The following RUNX1 variants were observed in gnomAD, a reference collection of about 807,000 sequenced individuals.
The protein encoded by RUNX1 is runt-related transcription factor 1.
In RUNX1, 19 loss-of-function variants were observed where a neutral mutation model predicts 42.8. That is an observed-to-expected ratio of 0.44 (90% CI 0.31 to 0.65). The LOEUF (loss-of-function observed/expected upper bound fraction) is 0.65. Ranked by LOEUF, RUNX1 falls within the 30% of genes least tolerant of loss-of-function variation. The pLI is 0.07. For synonymous variants in RUNX1, 271 were observed against 289.4 expected, an observed-to-expected ratio of 0.94 and a Z score of 0.64; for missense variants, 528 against 672.0, an observed-to-expected ratio of 0.79 and a Z score of 2.37.
At chr21:34,913,690 T>C (rs118115393) in intron 2 of RUNX1, among the ~76,000 whole-genome samples, 1 of 152,182 alleles carries the variant, frequency 6.6e-6, no homozygotes, top group Non-Finnish European at 1.5e-5. Flanking sequence ...ATAATTCACA[T>C]GGCAGCATCG....
intron 2 of RUNX1, among the ~76,000 whole-genome samples, chr21:34,963,529 G>T (rs2058696152): frequency 6.6e-6 from 1 of 152,266 alleles, no homozygotes; most frequent in East Asian, 1.9e-4. Flanking sequence ...GCACTCAGAG[G>T]TTCAACATCC....
intron 2 of RUNX1, among the ~76,000 whole-genome samples, chr21:34,909,491 T>C (rs571503687): frequency 4.4e-4 from 67 of 150,696 alleles, no homozygotes; most frequent in African/African-American, 1.6e-3. Context: ...GTGGTACTCC[T>C]TCCTTCTCTG....
chr21:34,986,962 T>C (rs981923976), intron 2 of RUNX1, among the ~76,000 whole-genome samples: 2 of 152,232 alleles, frequency 1.3e-5, no homozygotes, highest in Non-Finnish European at 2.9e-5. Flanking sequence ...GAGGCCATGT[T>C]GTCCCTGAAG....
rs775206089 is a variant in RUNX1, at chr21:34,880,656, C to T, written c.409G>A (p.Asp137Asn). 3.7e-6 allele frequency: 6 copies of T among 1,614,118 alleles called. 1 individual carries two copies. In the South Asian group the frequency reaches 6.6e-5, roughly 18 times the overall value. The change falls in exon 5 of 9, where the codon GAT (aspartate) becomes AAT (asparagine). Residue 137 changes from aspartate (D) to asparagine (N), a missense_variant. Transcript: ENST00000675419. ...CTCAGCTCAGCCGAGTAGTTTTCAT[C>T]ATTGCCAGCCATCACAGTGACCAGA... ...GTLVTVMAGNDENYSAELRNA... is the reference protein window; with the variant it reads ...GTLVTVMAGNNENYSAELRNA...
At chr21:34,844,677 TCTC>T (rs1199762338) in intron 6 of RUNX1, among the ~76,000 whole-genome samples, 8 of 152,176 alleles carry the variant, frequency 5.3e-5, no homozygotes, top group African/African-American at 1.9e-4. Flanking sequence ...GAGGATGATC[TCTC>T]CTCCTCTGTA....
rs575680210 is a variant in RUNX1, at chr21:35,034,735, G to A, written c.58+14107C>T. Among the ~76,000 whole-genome samples, 8 of 152,308 alleles carry A rather than the reference G, an allele frequency of 5.3e-5. No homozygotes were observed. In the South Asian group the frequency reaches 1.2e-3, roughly 24 times the overall value. The stretch of plus-strand genomic sequence containing the variant: ...TTCGGTTGCAAATGTCAACTGTGGC[G>A]AGGTCGGGAAACCCTGTCTGGTGTG... On this transcript the variant is annotated intron_variant, in intron 2 of 8. Transcript: ENST00000675419.
chr21:35,024,589 C>T (rs994483345), intron 2 of RUNX1, among the ~76,000 whole-genome samples: 2 of 152,240 alleles, frequency 1.3e-5, no homozygotes, highest in Admixed American at 1.3e-4. Flanking sequence ...ATCCTTTTAA[C>T]TTCTCAGAAA....
intron 2 of RUNX1, among the ~76,000 whole-genome samples, chr21:34,923,393 T>A (rs2058369103): frequency 6.6e-6 from 1 of 152,224 alleles, no homozygotes; most frequent in African/African-American, 2.4e-5. Flanking sequence ...TGAATAGTGA[T>A]GAGACCGGCC....
At chr21:34,985,088 C>T (rs920345678) in intron 2 of RUNX1, among the ~76,000 whole-genome samples, 2 of 152,182 alleles carry the variant, frequency 1.3e-5, no homozygotes, top group Non-Finnish European at 2.9e-5. Flanking sequence ...TCCAATAATA[C>T]TTAGAAGACT....
At chr21:34,915,808 A>G (rs1822047905) in intron 2 of RUNX1, among the ~76,000 whole-genome samples, 1 of 152,168 alleles carries the variant, frequency 6.6e-6, no homozygotes, top group African/African-American at 2.4e-5. Context: ...TGAGATAGAG[A>G]ACAAAAGTTA....
rs1445299843 is a variant in RUNX1, at chr21:35,005,336, T to C, written c.58+43506A>G. ...AGGATTCTGTATGACTCATTGTATA[T>C]GCAAGGAAATAGCCTCTTCTGTCCT... On this transcript the variant is annotated intron_variant, in intron 2 of 8. Transcript: ENST00000675419. Among the ~76,000 whole-genome samples the C allele has an allele frequency of 2.0e-5, 3 of 152,132 alleles. No homozygotes were observed. The East Asian group carries it at 5.8e-4, about 29-fold the overall frequency.
chr21:34,904,099 ACAT>A (rs1036806018), intron 2 of RUNX1, among the ~76,000 whole-genome samples: 1 of 152,186 alleles, frequency 6.6e-6, no homozygotes, highest in African/African-American at 2.4e-5. Flanking sequence ...TTCTCATAAA[ACAT>A]CATTGTCTAC....
intron 7 of RUNX1, among the ~76,000 whole-genome samples, chr21:34,820,436 G>C (rs1450971716): frequency 6.6e-6 from 1 of 152,004 alleles, no homozygotes; most frequent in Non-Finnish European, 1.5e-5. Flanking sequence ...GATCACCTGT[G>C]GTCAGGAGTT....
At chr21:35,033,393 A>G (rs1282985766) in intron 2 of RUNX1, among the ~76,000 whole-genome samples, 3 of 152,236 alleles carry the variant, frequency 2.0e-5, no homozygotes, top group Non-Finnish European at 1.5e-5. Context: ...CCTAGAAGAC[A>G]TGGTCATCAG....
intron 2 of RUNX1, among the ~76,000 whole-genome samples, chr21:34,962,737 T>C (rs1221848530): frequency 6.6e-6 from 1 of 152,206 alleles, no homozygotes; most frequent in Non-Finnish European, 1.5e-5. Context: ...GTTGCAATCA[T>C]TTTGCAAAGG....
chr21:35,049,073 A>G, intron 1 of RUNX1, 95 bp downstream of exon 1: 1 of 645,702 alleles, frequency 1.5e-6, no homozygotes, highest in Non-Finnish European at 2.8e-6. Context: ...CCCTATTAAA[A>G]AATGCACCTT....
chr21:34,790,566 G>A lies in RUNX1; in HGVS notation c.*1569C>T, dbSNP rs746526266. On this transcript the variant is annotated 3_prime_UTR_variant, in exon 9 of 9. Coordinates refer to ENST00000675419, the MANE Select transcript of RUNX1 (RefSeq NM_001754.5). Reference sequence around the variant, plus strand: ...CAGCGACATTGGATACCTTTGAATTGTAGCCACGGACAGTAGTGACATGAA... The same window carrying A: ...CAGCGACATTGGATACCTTTGAATTATAGCCACGGACAGTAGTGACATGAA... The A allele has an allele frequency of 1.7e-5, 4 of 233,306 alleles. No homozygotes were observed. The highest frequency in any genetic ancestry group is 2.5e-5 in the Non-Finnish European group (3 of 118,054). 14.5% of individuals were successfully genotyped at this position (233,306 alleles called of 1,614,324 possible). A position where few individuals can be genotyped will look rare whatever the true frequency, so the allele number is the denominator to read the frequency against.
At chr21:34,931,987 G>T (rs557853038) in intron 2 of RUNX1, among the ~76,000 whole-genome samples, 2 of 152,248 alleles carry the variant, frequency 1.3e-5, no homozygotes, top group Non-Finnish European at 2.9e-5. Flanking sequence ...TTGGCCATAT[G>T]TAAGATGGAC....
chr21:34,801,290 G>A (rs957061805), intron 7 of RUNX1, among the ~76,000 whole-genome samples: 2 of 152,076 alleles, frequency 1.3e-5, no homozygotes, highest in Admixed American at 6.6e-5. Flanking sequence ...TTCACGCCTT[G>A]TTGTGTAGAC....
Sources: gnomAD v4.1 joint callset for allele counts (sites outside exome capture counted in the v4.1 genomes callset) on GRCh38, gnomAD v4.1.1 for gene constraint, MANE v1.5 for transcripts, NCBI Gene and HGNC (gene_info 2026-07-23, HGNC 2026-07-21) for gene names.